The following METTL4 variants were observed in gnomAD, a reference collection of about 807,000 sequenced individuals.
METTL4 encodes methyltransferase 4, N6-adenosine.
In METTL4, 40 loss-of-function variants were observed where a neutral mutation model predicts 54.0. That is an observed-to-expected ratio of 0.74 (90% confidence interval 0.58 to 0.96). The LOEUF (loss-of-function observed/expected upper bound fraction) is 0.96, where lower values mean the gene tolerates loss of function less well. METTL4 is among the 50% of genes least tolerant of loss of function. The pLI is 0.00. For synonymous variants in METTL4, 169 were observed against 183.8 expected (o/e 0.92, Z 0.65); for missense variants, 525 against 549.0 (o/e 0.96, Z 0.44).
chr18:2,556,356 C>T lies in METTL4; in HGVS notation c.460-1318G>A, dbSNP rs143729268. On this transcript the variant is annotated intron_variant, in intron 3 of 8. Transcript: ENST00000574538. ...TCTGCTCTGATCATAACTAAATGAG[C>T]TTAAAGAGAGTCTCAGAAAGATCAA... 6.5e-3 allele frequency among the ~76,000 whole-genome samples: 979 copies of T among 151,554 alleles called. 8 individuals carry two copies. Among genetic ancestry groups the T allele is most frequent in the Non-Finnish European group, 7.8e-3 (532 of 67,888 alleles).
intron 8 of METTL4, among the ~76,000 whole-genome samples, chr18:2,542,653 A>AT (rs34215610): frequency 1.3e-5 from 2 of 151,286 alleles, no homozygotes; most frequent in Non-Finnish European, 1.5e-5. Context: ...GCCAAGTATA[A>AT]TTTTTTTTTC....
At position 2,539,103 on chromosome 18, in the gene METTL4, T is replaced by G. The variant is rs1183650340; in HGVS notation, c.1316A>C (p.Glu439Ala). 4 of 1,613,884 alleles carry G rather than the reference T, an allele frequency of 2.5e-6. No homozygotes were observed. In the South Asian group the frequency reaches 4.4e-5, roughly 18 times the overall value. The change falls in exon 9 of 9, where the codon GAG (glutamate) becomes GCG (alanine). Residue 439 changes from glutamate to alanine, a missense_variant. Physicochemically the swap from Glu to Ala is moderately radical, Grantham distance 107 (BLOSUM62 -1). Coordinates refer to ENST00000574538, the MANE Select transcript of METTL4 (RefSeq NM_022840.5). The part of the protein sequence containing the change: ...DYIKPDGEYL[E>A]LFARNLQPGW... ...TGGCTGTAAATTTCGAGCAAACAACTCCAAATATTCCCCATCTGGCTTGAT... is the reference window on the plus strand; with the variant it reads ...TGGCTGTAAATTTCGAGCAAACAACGCCAAATATTCCCCATCTGGCTTGAT...
At chr18:2,567,924 C>A (rs751573532) in intron 1 of METTL4, among the ~76,000 whole-genome samples, 1 of 152,198 alleles carries the variant, frequency 6.6e-6, no homozygotes, top group Non-Finnish European at 1.5e-5. Flanking sequence ...AAGCACTAAA[C>A]CCTAGCAAAA....
At chr18:2,541,945 T>C (rs1351668873) in intron 8 of METTL4, among the ~76,000 whole-genome samples, 1 of 152,156 alleles carries the variant, frequency 6.6e-6, no homozygotes, top group African/African-American at 2.4e-5. Context: ...CTGAAATATA[T>C]AGAAACATGA....
At position 2,538,339 on chromosome 18, in the gene METTL4, ACTAATG is replaced by A. The variant is rs1192946800; in HGVS notation, c.*655_*660del. The A allele has an allele frequency of 1.9e-5, 3 of 159,662 alleles. No individual in the cohort carries two copies. The highest frequency in any genetic ancestry group is 4.1e-5 in the Non-Finnish European group (3 of 73,294). 9.9% of individuals were successfully genotyped at this position (159,662 alleles called of 1,614,324 possible). On this transcript the variant is annotated 3_prime_UTR_variant, in exon 9 of 9. Coordinates refer to ENST00000574538, the MANE Select transcript of METTL4 (RefSeq NM_022840.5). ...CAAAAATGCTGTATAAACTCAGTAT[ACTAATG>A]CAGTATTTGGCAGATCTTTGAATAT...
chr18:2,538,924 T>TAA lies in METTL4; in HGVS notation c.*74_*75dup. The TAA allele has an allele frequency of 6.6e-7, 1 of 1,509,152 alleles. No individual in the cohort carries two copies. The highest frequency in any genetic ancestry group is 1.2e-5 in the South Asian group (1 of 81,684). The allele number at this position is 1,509,152 out of a possible 1,614,324, so 93.5% of individuals were successfully genotyped here. A position where few individuals can be genotyped will look rare whatever the true frequency, so the allele number is the denominator to read the frequency against. On this transcript the variant is annotated 3_prime_UTR_variant, in exon 9 of 9. Coordinates refer to ENST00000574538, the MANE Select transcript of METTL4 (RefSeq NM_022840.5). The stretch of plus-strand genomic sequence containing the variant: ...CTAAGAATATGGGTTGGTAACAAAA[T>TAA]AAAAAAATGACTTAGAATTAAGGGA...
intron 3 of METTL4, among the ~76,000 whole-genome samples, chr18:2,558,207 G>A (rs781257921): frequency 1.3e-5 from 2 of 151,942 alleles, no homozygotes; most frequent in Non-Finnish European, 2.9e-5. Context: ...AAGATAACTC[G>A]TATGCTGGGC....
intron 8 of METTL4, among the ~76,000 whole-genome samples, chr18:2,542,413 TATTTTAA>T (rs2143471423): frequency 7.2e-6 from 1 of 139,398 alleles, no homozygotes. Context: ...GTTTATTCAC[TATTTTAA>T]AACCTGTCTC....
intron 8 of METTL4, among the ~76,000 whole-genome samples, chr18:2,539,513 G>A (rs1288161671): frequency 3.5e-5 from 5 of 144,694 alleles, no homozygotes; most frequent in Admixed American, 1.4e-4. Context: ...CAAGAGTCTC[G>A]CACTGTCACC....
chr18:2,556,086 C>G (rs1442229753), intron 3 of METTL4, among the ~76,000 whole-genome samples: 1 of 152,076 alleles, frequency 6.6e-6, no homozygotes, highest in African/African-American at 2.4e-5. Flanking sequence ...TGCAGGGGAT[C>G]TGCCCAGAAT....
At chr18:2,559,909 T>C (rs149317986) in intron 3 of METTL4, among the ~76,000 whole-genome samples, 1 of 152,134 alleles carries the variant, frequency 6.6e-6, no homozygotes, top group Non-Finnish European at 1.5e-5. Context: ...CTAATTTTTT[T>C]ATATTTTTAG....
chr18:2,549,819 TAAAAAAAAAAA>T (rs397758263), intron 5 of METTL4, among the ~76,000 whole-genome samples: 11 of 79,066 alleles, frequency 1.4e-4, no homozygotes, highest in African/African-American at 1.8e-4. Context: ...CCATCTCTAC[TAAAAAAAAAAA>T]AAAAAAAAAA....
At chr18:2,568,617 T>C (rs1332114407) in intron 1 of METTL4, 1 of 152,388 alleles carries the variant, frequency 6.6e-6, no homozygotes, top group African/African-American at 2.4e-5. Context: ...CTGGGCTTGG[T>C]GGCATGCGCC....
intron 3 of METTL4, among the ~76,000 whole-genome samples, chr18:2,559,111 T>C (rs866785420): frequency 1.3e-5 from 2 of 152,218 alleles, no homozygotes; most frequent in Non-Finnish European, 2.9e-5. Flanking sequence ...ATTCCACTTC[T>C]GGGTATATAT....
chr18:2,539,205 T>C (rs908620384), intron 8 of METTL4, 60 bp from the exon 9 acceptor site: 5 of 1,347,578 alleles, frequency 3.7e-6, no homozygotes, highest in South Asian at 3.6e-5. Flanking sequence ...CACTTCCTTT[T>C]AGCAGTTAAG....
In METTL4 at chr18:2,567,081, C is replaced by A; in HGVS notation, c.136G>T (p.Glu46Ter). ...GACACAGAATCCATTTGAAGAGACT[C>A]AAAGTGAACAGAAGTAGTGAACTCC... ...KKEFTTSVHFESLQMDSVSSS... is the reference protein window; with the variant it reads ...KKEFTTSVHF Residue 46 changes from glutamate (E) to a stop codon, truncating the protein, a stop_gained, in exon 2 of 9, where the codon GAG (glutamate) becomes TAG (stop). Coordinates refer to ENST00000574538, the MANE Select transcript of METTL4 (RefSeq NM_022840.5). LOFTEE classifies it high-confidence loss of function. The A allele has an allele frequency of 1.2e-6, 2 of 1,614,178 alleles. No individual in the cohort carries two copies. The highest frequency in any genetic ancestry group is 1.1e-5 in the South Asian group (1 of 91,068).
At chr18:2,545,756 A>T (rs1045137891) in intron 6 of METTL4, among the ~76,000 whole-genome samples, 24 of 152,198 alleles carry the variant, frequency 1.6e-4, no homozygotes, top group Admixed American at 7.2e-4. Context: ...TCCTACAAAA[A>T]GTGCTGTATA....
At chr18:2,543,123 A>G (rs919528794) in intron 8 of METTL4, among the ~76,000 whole-genome samples, 2 of 151,764 alleles carry the variant, frequency 1.3e-5, no homozygotes, top group African/African-American at 4.8e-5. Flanking sequence ...CAAAAAAAAA[A>G]AAAAAAAAAT....
intron 2 of METTL4, among the ~76,000 whole-genome samples, chr18:2,564,221 G>A (rs937462675): frequency 6.7e-6 from 1 of 149,990 alleles, no homozygotes; most frequent in East Asian, 1.9e-4. Context: ...GGCTAACATG[G>A]TGAAACCCCA....
Sources: gnomAD v4.1 joint callset for allele counts (sites outside exome capture counted in the v4.1 genomes callset) on GRCh38, gnomAD v4.1.1 for gene constraint, MANE v1.5 for transcripts, NCBI Gene and HGNC (gene_info 2026-07-23, HGNC 2026-07-21) for gene names.